Variants in GRID1 observed in about 807,000 individuals in gnomAD.
GRID1 encodes the protein glutamate receptor ionotropic, delta-1.
A neutral mutation model predicts 98.0 loss-of-function variants in GRID1; 28 were observed. The ratio of observed to expected loss-of-function variants is 0.29; its 90% CI spans 0.21 to 0.39. The LOEUF is 0.39. Ranked by LOEUF, GRID1 falls within the 10% of genes least tolerant of loss-of-function variation. GRID1 has a pLI of 1.00. For synonymous variants in GRID1, 553 were observed against 538.5 expected (o/e 1.03, Z -0.37); for missense variants, 1,111 against 1,340.5 (o/e 0.83, Z 2.67).
intron 4 of GRID1, among the ~76,000 whole-genome samples, chr10:85,967,478 A>G (rs1418395): frequency 0.13 from 19,554 of 152,236 alleles, 1,382 homozygotes; most frequent in Admixed American, 0.22. Context: ...ATAGGAAAAA[A>G]TGCATTCAAT....
At chr10:86,152,566 G>A (rs1845184271) in intron 3 of GRID1, among the ~76,000 whole-genome samples, 1 of 152,258 alleles carries the variant, frequency 6.6e-6, no homozygotes, top group South Asian at 2.1e-4. Flanking sequence ...TGGCTCCCCT[G>A]TGGGAGAAAG....
At chr10:85,881,078 AC>A in intron 5 of GRID1, among the ~76,000 whole-genome samples, 1 of 152,204 alleles carries the variant, frequency 6.6e-6, no homozygotes, top group Non-Finnish European at 1.5e-5. Context: ...GACGTGAGGG[AC>A]CTCTTCAAGG....
At chr10:85,682,136 G>C (rs1183986272) in intron 12 of GRID1, among the ~76,000 whole-genome samples, 2 of 152,152 alleles carry the variant, frequency 1.3e-5, no homozygotes, top group African/African-American at 4.8e-5. Flanking sequence ...CCTTGCAGAT[G>C]GAAGGAAAAG....
intron 4 of GRID1, among the ~76,000 whole-genome samples, chr10:85,963,263 A>G (rs1173914451): frequency 6.6e-6 from 1 of 151,742 alleles, no homozygotes; most frequent in Non-Finnish European, 1.5e-5. Context: ...TTCGGGTCCC[A>G]TGGATTCTAC....
At chr10:86,231,992 C>G (rs555418490) in intron 2 of GRID1, among the ~76,000 whole-genome samples, 2 of 148,450 alleles carry the variant, frequency 1.3e-5, no homozygotes, top group Non-Finnish European at 3.0e-5. Context: ...CCCGTGTATC[C>G]GCATGGACAT....
Position 85,689,856 on chromosome 10 carries a change from T to C in GRID1, c.1997+33147A>G, listed in dbSNP as rs1183058493. Reference sequence around the variant, plus strand: ...TCTACCAGTCAAGTTATTCTTCATATGTAGAGAACCAGAAATGAAACAAAT... The same window carrying C: ...TCTACCAGTCAAGTTATTCTTCATACGTAGAGAACCAGAAATGAAACAAAT... On this transcript the variant is annotated intron_variant, in intron 12 of 15. Transcript: ENST00000327946. Among the ~76,000 whole-genome samples the C allele has an allele frequency of 2.6e-5, 4 of 152,330 alleles. 1 individual carries two copies. The South Asian group carries it at 6.2e-4, about 24-fold the overall frequency.
chr10:85,923,804 A>G (rs1323465245), intron 4 of GRID1, among the ~76,000 whole-genome samples: 1 of 152,150 alleles, frequency 6.6e-6, no homozygotes, highest in Non-Finnish European at 1.5e-5. Flanking sequence ...TGCAAAAACA[A>G]CAGCTAAGCC....
At chr10:86,312,639 T>C (rs140571352) in intron 2 of GRID1, among the ~76,000 whole-genome samples, 22 of 152,372 alleles carry the variant, frequency 1.4e-4, no homozygotes, top group Non-Finnish European at 2.4e-4. Context: ...TTGGGCAAGA[T>C]GTTCCACCTT....
At chr10:85,956,483 G>A (rs1054572774) in intron 4 of GRID1, among the ~76,000 whole-genome samples, 4 of 152,164 alleles carry the variant, frequency 2.6e-5, no homozygotes, top group African/African-American at 9.7e-5. Flanking sequence ...TCTTTAAAAA[G>A]TTTAAAATAG....
At chr10:86,268,478 G>T (rs547697436) in intron 2 of GRID1, among the ~76,000 whole-genome samples, 41 of 152,184 alleles carry the variant, frequency 2.7e-4, no homozygotes, top group Non-Finnish European at 5.9e-4. Context: ...TGTGGGGGTT[G>T]TTTGTTACCA....
In GRID1 at chr10:86,166,230, A is replaced by G. The variant is rs190836440; in HGVS notation, c.521-27206T>C. The stretch of plus-strand genomic sequence containing the variant: ...CTGCACCCGTTAACTCGTCATTTAC[A>G]TTAGGTATATCTACGATCAGAGTGA... On this transcript the variant is annotated intron_variant, in intron 3 of 15. Coordinates refer to ENST00000327946, the MANE Select transcript of GRID1 (RefSeq NM_017551.3). 2.4e-4 allele frequency among the ~76,000 whole-genome samples: 37 copies of G among 152,270 alleles called. No homozygotes were observed. In the East Asian group the frequency reaches 4.6e-3, roughly 19 times the overall value.
chr10:86,272,082 C>T (rs1847193852), intron 2 of GRID1, among the ~76,000 whole-genome samples: 1 of 151,986 alleles, frequency 6.6e-6, no homozygotes, highest in Non-Finnish European at 1.5e-5. Flanking sequence ...CAGTAAATTT[C>T]TTATCAGAAA....
chr10:85,885,926 A>G (rs1041103448), intron 5 of GRID1, among the ~76,000 whole-genome samples: 3 of 152,218 alleles, frequency 2.0e-5, no homozygotes, highest in African/African-American at 4.8e-5. Context: ...TCCCTGGGGG[A>G]AAAGAGGAAG....
Position 86,181,110 on chromosome 10 carries a change from G to A in GRID1, c.520+25254C>T, listed in dbSNP as rs139124360. Among the ~76,000 whole-genome samples the A allele has an allele frequency of 1.4e-3, 209 of 152,264 alleles. 1 individual carries two copies. The highest frequency in any genetic ancestry group is 4.9e-3 in the African/African-American group (203 of 41,550). On this transcript the variant is annotated intron_variant, in intron 3 of 15. Coordinates refer to ENST00000327946, the MANE Select transcript of GRID1 (RefSeq NM_017551.3). Reference sequence around the variant, plus strand: ...ACACCCCCAACCATGCAGGTGTGCAGAGCAACCCCCAGTACAGGTGCCAGG... The same window carrying A: ...ACACCCCCAACCATGCAGGTGTGCAAAGCAACCCCCAGTACAGGTGCCAGG...
At chr10:86,349,722 G>A (rs568935968) in intron 2 of GRID1, among the ~76,000 whole-genome samples, 11 of 152,150 alleles carry the variant, frequency 7.2e-5, no homozygotes, top group South Asian at 6.2e-4. Context: ...AAAGAACACC[G>A]GACAAGGAGC....
intron 2 of GRID1, among the ~76,000 whole-genome samples, chr10:86,292,234 C>T (rs1847525218): frequency 6.6e-6 from 1 of 152,262 alleles, no homozygotes; most frequent in African/African-American, 2.4e-5. Flanking sequence ...TGCCTCCAGC[C>T]CTGCTTCCTG....
rs149078481 is a variant in GRID1 at position 86,069,537 on chromosome 10, A to G, written c.726+69282T>C. On this transcript the variant is annotated intron_variant, in intron 4 of 15. Transcript: ENST00000327946. ...GTGGCGGGTGCCTGTAGTTCCAGCT[A>G]CTCAGGAGGCTGAGGCAGGAGAATG... Among the ~76,000 whole-genome samples, 1,136 of 152,176 alleles carry G rather than the reference A, an allele frequency of 7.5e-3. 15 individuals are homozygous for G. Among genetic ancestry groups the G allele is most frequent in the African/African-American group, 0.026 (1,087 of 41,526 alleles).
intron 5 of GRID1, among the ~76,000 whole-genome samples, chr10:85,875,262 A>T (rs1011011728): frequency 6.6e-6 from 1 of 152,064 alleles, no homozygotes; most frequent in African/African-American, 2.4e-5. Flanking sequence ...TACCCTATTT[A>T]TTTCTAGTAA....
Position 86,192,986 on chromosome 10 carries a change from G to A in GRID1, c.520+13378C>T, listed in dbSNP as rs941082992. On this transcript the variant is annotated intron_variant, in intron 3 of 15. Coordinates refer to ENST00000327946, the MANE Select transcript of GRID1 (RefSeq NM_017551.3). This position sits in a 1 kb window ranked among gnomAD's most constrained non-coding sequence, Gnocchi z 4.8. ...GTGTCTCAGGAGAGCCCGGGAGGAT[G>A]GGAAGCAAGGAAGACAGAAGAGAAG... Among the ~76,000 whole-genome samples the A allele has an allele frequency of 1.1e-4, 16 of 152,020 alleles. No homozygotes were observed. Among genetic ancestry groups the A allele is most frequent in the Non-Finnish European group, 5.9e-5 (4 of 67,930 alleles).
Sources: allele counts gnomAD v4.1 joint callset (sites outside exome capture counted in the v4.1 genomes callset), GRCh38; gene constraint gnomAD v4.1.1; non-coding constraint Gnocchi (gnomAD v3.1); transcripts MANE v1.5; gene names NCBI Gene and HGNC (gene_info 2026-07-23, HGNC 2026-07-21).